DACH1: variants seen among roughly 807,000 people sequenced by gnomAD.
DACH1 encodes the protein dachshund homolog 1.
DACH1 carries 12 observed loss-of-function variants against 54.2 expected under a neutral mutation model. That is an observed-to-expected ratio of 0.22 (90% confidence interval 0.14 to 0.36). The LOEUF is 0.36. Ranked by LOEUF, DACH1 falls within the 10% of genes least tolerant of loss-of-function variation. The pLI is 1.00. For synonymous variants in DACH1, 386 were observed against 366.2 expected (o/e 1.05, Z -0.62); for missense variants, 805 against 929.8 (o/e 0.87, Z 1.75).
chr13:71,546,346 T>A (rs1883465528), intron 6 of DACH1, among the ~76,000 whole-genome samples: 1 of 152,052 alleles, frequency 6.6e-6, no homozygotes, highest in African/African-American at 2.4e-5. Context: ...GTAAATTTTT[T>A]AACTTGTATC....
intron 1 of DACH1, among the ~76,000 whole-genome samples, chr13:71,773,696 T>C (rs773568320): frequency 7.2e-5 from 11 of 152,012 alleles, no homozygotes; most frequent in Non-Finnish European, 1.6e-4. Context: ...GCAGAACAAT[T>C]CATTATTTGA....
intron 3 of DACH1, among the ~76,000 whole-genome samples, chr13:71,623,176 C>T (rs1402554515): frequency 6.6e-6 from 1 of 151,446 alleles, no homozygotes; most frequent in African/African-American, 2.4e-5. Flanking sequence ...TATTTTTCCA[C>T]AGTCACCTGT....
intron 1 of DACH1, among the ~76,000 whole-genome samples, chr13:71,816,560 A>G (rs866848908): frequency 1.9e-4 from 28 of 149,156 alleles, no homozygotes; most frequent in Admixed American, 1.7e-3. Flanking sequence ...GTATATACAT[A>G]TATGTGTGTA....
At chr13:71,731,914 T>C (rs9542739) in intron 1 of DACH1, among the ~76,000 whole-genome samples, 95,680 of 152,156 alleles carry the variant, frequency 0.63, 37,057 homozygotes, top group Non-Finnish European at 0.87. Flanking sequence ...TGCTTCATTA[T>C]GCTGTCTCTT....
intron 10 of DACH1, among the ~76,000 whole-genome samples, chr13:71,469,056 G>A (rs113309956): frequency 0.01 from 1,560 of 152,226 alleles, 25 homozygotes; most frequent in African/African-American, 0.036. Context: ...ATGTAAGCCT[G>A]GGTAAAAAGT....
intron 6 of DACH1, among the ~76,000 whole-genome samples, chr13:71,546,108 C>T (rs943988793): frequency 6.6e-6 from 1 of 152,008 alleles, no homozygotes; most frequent in African/African-American, 2.4e-5. Context: ...AGTAATTTGG[C>T]TCCATATGTC....
chr13:71,462,887 C>T (rs1389695941), intron 10 of DACH1, among the ~76,000 whole-genome samples: 1 of 45,376 alleles, frequency 2.2e-5, no homozygotes, highest in South Asian at 2.6e-3. Context: ...CACACACACA[C>T]ACACACACAC....
At chr13:71,551,550 T>C (rs931506720) in intron 6 of DACH1, among the ~76,000 whole-genome samples, 3 of 152,178 alleles carry the variant, frequency 2.0e-5, no homozygotes, top group Non-Finnish European at 4.4e-5. Context: ...ATGTACTTAT[T>C]GTCTTTCTGT....
intron 4 of DACH1, among the ~76,000 whole-genome samples, chr13:71,561,011 T>C (rs2138385363): frequency 6.6e-6 from 1 of 152,228 alleles, no homozygotes; most frequent in East Asian, 1.9e-4. Context: ...AAATCTAAAA[T>C]GTAATTGGCC....
In DACH1 at chr13:71,523,481, G is replaced by A. The variant is rs139864388; in HGVS notation, c.1570+33543C>T. 4.9e-4 allele frequency among the ~76,000 whole-genome samples: 74 copies of A among 152,210 alleles called. 1 individual carries two copies. The highest frequency in any genetic ancestry group is 4.5e-3 in the Admixed American group (68 of 15,268). On this transcript the variant is annotated intron_variant, in intron 6 of 10. Coordinates refer to ENST00000613252, the MANE Select transcript of DACH1 (RefSeq NM_080759.6). Reference sequence around the variant, plus strand: ...ATTGCTCAGCCTCCAGTAAACTGTCGTGAAACAATCAAAATATATGTAGCC... The same window carrying A: ...ATTGCTCAGCCTCCAGTAAACTGTCATGAAACAATCAAAATATATGTAGCC...
chr13:71,691,888 G>T (rs748742890), intron 1 of DACH1, among the ~76,000 whole-genome samples: 1 of 152,112 alleles, frequency 6.6e-6, no homozygotes, highest in Non-Finnish European at 1.5e-5. Flanking sequence ...GAGCATGGTT[G>T]TTGGGACAAA....
intron 6 of DACH1, among the ~76,000 whole-genome samples, chr13:71,539,403 G>GATCCTTCT (rs1211423843): frequency 2.6e-5 from 4 of 151,886 alleles, no homozygotes; most frequent in Admixed American, 6.6e-5. Context: ...TCTTTCCTTC[G>GATCCTTCT]AAAGACTTTC....
intron 1 of DACH1, among the ~76,000 whole-genome samples, chr13:71,746,386 C>A (rs1478955684): frequency 1.3e-5 from 2 of 152,082 alleles, no homozygotes; most frequent in Non-Finnish European, 2.9e-5. Context: ...ATACAAAAAT[C>A]AATCACATTT....
At chr13:71,456,183 ACTT>A (rs1342661584) in intron 10 of DACH1, among the ~76,000 whole-genome samples, 1 of 152,090 alleles carries the variant, frequency 6.6e-6, no homozygotes, top group African/African-American at 2.4e-5. Flanking sequence ...AGATTGCCAA[ACTT>A]CTTTAATATA....
intron 3 of DACH1, among the ~76,000 whole-genome samples, chr13:71,618,872 T>C (rs1029230945): frequency 4.6e-5 from 7 of 151,888 alleles, no homozygotes; most frequent in Admixed American, 1.3e-4. Context: ...CAATTATGTG[T>C]CTAAATTTAC....
At chr13:71,558,437 A>G (rs1199767777) in intron 5 of DACH1, among the ~76,000 whole-genome samples, 1 of 152,036 alleles carries the variant, frequency 6.6e-6, no homozygotes, top group Non-Finnish European at 1.5e-5. Flanking sequence ...TCAAAAATTG[A>G]AAAAAGAATA....
At chr13:71,730,979 AT>A (rs550123682) in intron 1 of DACH1, among the ~76,000 whole-genome samples, 4 of 151,942 alleles carry the variant, frequency 2.6e-5, no homozygotes, top group Non-Finnish European at 2.9e-5. Flanking sequence ...TTTAATTTAT[AT>A]TTTTTTCAAA....
intron 1 of DACH1, among the ~76,000 whole-genome samples, chr13:71,690,888 A>T (rs1246291473): frequency 6.6e-6 from 1 of 152,182 alleles, no homozygotes; most frequent in Non-Finnish European, 1.5e-5. Context: ...GCTGTGATCA[A>T]ACCACTGCAC....
At chr13:71,805,849 G>C (rs1036424159) in intron 1 of DACH1, among the ~76,000 whole-genome samples, 4 of 152,050 alleles carry the variant, frequency 2.6e-5, no homozygotes, top group Non-Finnish European at 4.4e-5. Context: ...TGTTGCCCAG[G>C]CTGGAGTGCA....
Sources: allele counts gnomAD v4.1 joint callset (sites outside exome capture counted in the v4.1 genomes callset), GRCh38; gene constraint gnomAD v4.1.1; transcripts MANE v1.5; gene names NCBI Gene and HGNC (gene_info 2026-07-23, HGNC 2026-07-21).